EPB41: variants seen among roughly 807,000 people sequenced by gnomAD.
The protein encoded by EPB41 is erythrocyte membrane protein band 4.1.
A neutral mutation model predicts 108.0 loss-of-function variants in EPB41; 65 were observed. The ratio of observed to expected loss-of-function variants is 0.60; its 90% CI spans 0.49 to 0.74. The LOEUF (loss-of-function observed/expected upper bound fraction) is 0.74. EPB41 is among the 30% of genes least tolerant of loss of function. The pLI is 0.00. For synonymous variants in EPB41, 336 were observed against 358.9 expected, an observed-to-expected ratio of 0.94 and a Z score of 0.72; for missense variants, 875 against 1,037.0, an observed-to-expected ratio of 0.84 and a Z score of 2.15.
chr1:29,094,104 A>G (rs1662324045), intron 16 of EPB41, among the ~76,000 whole-genome samples: 1 of 152,126 alleles, frequency 6.6e-6, no homozygotes, highest in African/African-American at 2.4e-5. Flanking sequence ...CATTTATTGA[A>G]TAGAGAATTC....
At position 29,006,905 on chromosome 1, in the gene EPB41, T is replaced by TA. The variant is rs771320169; in HGVS notation, c.787-4946dup. Among the ~76,000 whole-genome samples the TA allele has an allele frequency of 4.2e-3, 593 of 139,902 alleles. 2 individuals carry two copies. The highest frequency in any genetic ancestry group is 0.011 in the Admixed American group (159 of 13,966). The allele number at this position is 139,902 out of a possible 152,430, so 91.8% of individuals were successfully genotyped here. On this transcript the variant is annotated intron_variant, in intron 4 of 20. Transcript: ENST00000343067. ...ACAGAGTGAGACCCTATCCCAAAATTAAAAAAAAAAAAAAGTTACTTCATC... is the reference window on the plus strand; with the variant it reads ...ACAGAGTGAGACCCTATCCCAAAATTAAAAAAAAAAAAAAAGTTACTTCATC...
At position 28,997,210 on chromosome 1, in the gene EPB41, T is replaced by C; in HGVS notation, c.682-5T>C. 1.2e-6 allele frequency: 2 copies of C among 1,603,828 alleles called. No homozygotes were observed. The highest frequency in any genetic ancestry group is 2.2e-5 in the South Asian group (2 of 90,876). The stretch of plus-strand genomic sequence containing the variant: ...AACTCAACTAAGTCACGTATATCTT[T>C]GCAGAAACATGCTAAGGGACAAGAT... On this transcript the variant is annotated splice_polypyrimidine_tract_variant and splice_region_variant and intron_variant, in intron 3 of 20. Coordinates refer to ENST00000343067, the MANE Select transcript of EPB41 (RefSeq NM_001376013.1).
At chr1:28,996,155 A>C (rs1374761914) in intron 3 of EPB41, among the ~76,000 whole-genome samples, 1 of 152,240 alleles carries the variant, frequency 6.6e-6, no homozygotes, top group African/African-American at 2.4e-5. Flanking sequence ...AGAAAAGTTA[A>C]TTGAATCTAC....
intron 1 of EPB41, among the ~76,000 whole-genome samples, chr1:28,907,257 G>A (rs1391244350): frequency 6.6e-6 from 1 of 150,882 alleles, no homozygotes; most frequent in Non-Finnish European, 1.5e-5. Flanking sequence ...TAGAGACATG[G>A]TTTCCCCATG....
chr1:29,053,368 C>T, intron 12 of EPB41, 56 bp downstream of exon 12: 1 of 1,595,018 alleles, frequency 6.3e-7, no homozygotes, highest in African/African-American at 1.3e-5. Context: ...GAGGCCTTAA[C>T]TTTTTGACCA....
At chr1:29,014,176 G>T (rs2096547074) in intron 5 of EPB41, among the ~76,000 whole-genome samples, 1 of 151,892 alleles carries the variant, frequency 6.6e-6, no homozygotes, top group Non-Finnish European at 1.5e-5. Context: ...AATTAGCTGG[G>T]CATGGTGGCA....
chr1:28,968,475 A>G (rs767769098), intron 1 of EPB41, among the ~76,000 whole-genome samples: 3 of 152,172 alleles, frequency 2.0e-5, no homozygotes, highest in Non-Finnish European at 4.4e-5. Flanking sequence ...TTATGATTGT[A>G]TAGAGAAAAT....
At chr1:28,968,974 CCA>C (rs200125966) in intron 1 of EPB41, among the ~76,000 whole-genome samples, 18,548 of 124,632 alleles carry the variant, frequency 0.15, 1,741 homozygotes, top group African/African-American at 0.32. Context: ...CCAAAACCCC[CCA>C]CCCCCCAAAA....
At chr1:28,943,998 TACATATAC>T (rs1440926799) in intron 1 of EPB41, among the ~76,000 whole-genome samples, 1 of 152,162 alleles carries the variant, frequency 6.6e-6, no homozygotes, top group Non-Finnish European at 1.5e-5. Context: ...AAAGAAAATC[TACATATAC>T]ACATTGGAGT....
intron 1 of EPB41, among the ~76,000 whole-genome samples, chr1:28,901,130 T>C (rs157229): frequency 0.3 from 46,060 of 151,446 alleles, 7,255 homozygotes; most frequent in Middle Eastern, 0.35. Flanking sequence ...GGGGTTTCAC[T>C]GTGTTAGCCA....
chr1:29,040,644 C>T (rs929528576), intron 11 of EPB41, among the ~76,000 whole-genome samples: 5 of 152,118 alleles, frequency 3.3e-5, no homozygotes, highest in Admixed American at 1.3e-4. Flanking sequence ...CTCCAATATC[C>T]CATTGTTGGA....
At chr1:28,916,150 A>G (rs1431549831) in intron 1 of EPB41, among the ~76,000 whole-genome samples, 1 of 152,244 alleles carries the variant, frequency 6.6e-6, no homozygotes, top group Non-Finnish European at 1.5e-5. Flanking sequence ...TGTAGCGTAC[A>G]TGCTATCTGG....
At position 28,987,492 on chromosome 1, in the gene EPB41, A is replaced by G. The variant is rs563367649; in HGVS notation, c.55A>G (p.Lys19Glu). The G allele has an allele frequency of 4.3e-6, 7 of 1,614,012 alleles. No homozygotes were observed. Among genetic ancestry groups the G allele is most frequent in the Non-Finnish European group, 5.9e-6 (7 of 1,180,022 alleles). Residue 19 changes from lysine to glutamate, a missense_variant, in exon 2 of 21, where the codon AAG becomes GAG. Coordinates refer to ENST00000343067, the MANE Select transcript of EPB41 (RefSeq NM_001376013.1). ...GGCCGAAAATTCACAGCACCAACAG[A>G]AGGAAGAGGGTGAGGAAGCCATAAA... ...TEAENSQHQQ[K>E]EEGEEAINSG...
intron 11 of EPB41, among the ~76,000 whole-genome samples, chr1:29,043,432 A>G (rs1214568920): frequency 6.6e-6 from 1 of 152,212 alleles, no homozygotes; most frequent in African/African-American, 2.4e-5. Context: ...TTCTGTGCTG[A>G]TGGAAATCTT....
In EPB41 at chr1:29,035,826, C is replaced by T; in HGVS notation, c.1366C>T (p.Gln456Ter). Residue 456 changes from glutamine (Q) to a stop codon, truncating the protein, a stop_gained and splice_region_variant, in exon 10 of 21, where the codon CAA (glutamine) becomes TAA (stop). Coordinates refer to ENST00000343067, the MANE Select transcript of EPB41 (RefSeq NM_001376013.1). LOFTEE classifies it high-confidence loss of function. ...SFFIKIRPGE[Q>*]EQYESTIGFK... ...CCCATGTTTATTTGTGTTTTTGTAGCAAGAGCAGTATGAAAGTACCATCGG... is the reference window on the plus strand; with the variant it reads ...CCCATGTTTATTTGTGTTTTTGTAGTAAGAGCAGTATGAAAGTACCATCGG... 9 of 1,611,612 alleles carry T rather than the reference C, an allele frequency of 5.6e-6. No homozygotes were observed. Among genetic ancestry groups the T allele is most frequent in the Non-Finnish European group, 7.6e-6 (9 of 1,177,838 alleles).
chr1:28,984,051 C>T (rs1422642674), intron 1 of EPB41, among the ~76,000 whole-genome samples: 1 of 152,054 alleles, frequency 6.6e-6, no homozygotes, highest in Non-Finnish European at 1.5e-5. Context: ...AGATTATCTT[C>T]CTCTGAAGTA....
At chr1:29,068,314 A>G (rs1316825863) in intron 16 of EPB41, among the ~76,000 whole-genome samples, 1 of 152,246 alleles carries the variant, frequency 6.6e-6, no homozygotes, top group Non-Finnish European at 1.5e-5. Context: ...ACTTTGAAAA[A>G]GTAACTTGGT....
chr1:28,925,915 T>C (rs919717871), intron 1 of EPB41, among the ~76,000 whole-genome samples: 7 of 152,130 alleles, frequency 4.6e-5, no homozygotes, highest in African/African-American at 1.7e-4. Flanking sequence ...ACTCTGTTTA[T>C]ATATGTGATC....
chr1:29,088,765 A>G (rs1255280272), intron 16 of EPB41, among the ~76,000 whole-genome samples: 1 of 152,120 alleles, frequency 6.6e-6, no homozygotes, highest in African/African-American at 2.4e-5. Context: ...CGCTGTTTGT[A>G]TGTCTCAAAG....
Sources: allele counts gnomAD v4.1 joint callset (sites outside exome capture counted in the v4.1 genomes callset), GRCh38; gene constraint gnomAD v4.1.1; transcripts MANE v1.5; gene names NCBI Gene and HGNC (gene_info 2026-07-23, HGNC 2026-07-21).